The following FAM168A variants were observed in gnomAD, a reference collection of about 807,000 sequenced individuals.
The protein encoded by FAM168A is protein FAM168A.
Under a neutral mutation model 28.5 loss-of-function variants are expected in FAM168A, and 3 were observed. The ratio of observed to expected loss-of-function variants is 0.11; its 90% CI spans 0.05 to 0.27. FAM168A has a LOEUF of 0.27. FAM168A is among the 10% of genes least tolerant of loss of function. The pLI is 1.00. For missense variants in FAM168A, 222 were observed against 311.5 expected, an observed-to-expected ratio of 0.71 and a Z score of 2.16; for synonymous variants, 122 against 124.2, an observed-to-expected ratio of 0.98 and a Z score of 0.12.
rs543497968 is a variant in FAM168A at position 73,539,220 on chromosome 11, C to A, written c.-19+58703G>T. Among the ~76,000 whole-genome samples, 9 of 152,208 alleles carry A rather than the reference C, an allele frequency of 5.9e-5. No individual in the cohort carries two copies. The South Asian group carries it at 1.9e-3, about 32-fold the overall frequency. The stretch of plus-strand genomic sequence containing the variant: ...ATTGAATTAAATGATCTCAAACACT[C>A]CAGGAATATAGGATACACAATCAAG... On this transcript the variant is annotated intron_variant, in intron 1 of 7. Transcript: ENST00000356467.
rs1943777800 is a variant in FAM168A, at chr11:73,547,837, T to C, written c.-19+50086A>G. ...GTGAAAGTAAACCAAATGTCCATCATTGAATGAATGGGGAAAAAAAAAAAA... is the reference window on the plus strand; with the variant it reads ...GTGAAAGTAAACCAAATGTCCATCACTGAATGAATGGGGAAAAAAAAAAAA... On this transcript the variant is annotated intron_variant, in intron 1 of 7. Transcript: ENST00000356467. 2.7e-5 allele frequency among the ~76,000 whole-genome samples: 4 copies of C among 149,566 alleles called. No homozygotes were observed. The South Asian group carries it at 6.2e-4, about 23-fold the overall frequency.
chr11:73,477,543 C>A (rs1378053014), intron 1 of FAM168A, among the ~76,000 whole-genome samples: 4 of 151,976 alleles, frequency 2.6e-5, no homozygotes, highest in Non-Finnish European at 4.4e-5. Flanking sequence ...TAACCGGACA[C>A]AATATAGTAA....
chr11:73,471,652 G>A (rs1445899516), intron 1 of FAM168A, among the ~76,000 whole-genome samples: 13 of 152,122 alleles, frequency 8.5e-5, no homozygotes, highest in Admixed American at 8.5e-4. Flanking sequence ...GTGTATTTAT[G>A]TTCCTAAGGA....
chr11:73,425,911 G>A (rs1045473100), intron 3 of FAM168A, among the ~76,000 whole-genome samples: 5 of 152,312 alleles, frequency 3.3e-5, no homozygotes, highest in African/African-American at 1.2e-4. Context: ...CAAAGTTGGA[G>A]GCAAGAAGCC....
At chr11:73,533,163 A>G (rs1943535142) in intron 1 of FAM168A, among the ~76,000 whole-genome samples, 1 of 152,200 alleles carries the variant, frequency 6.6e-6, no homozygotes, top group Admixed American at 6.5e-5. Flanking sequence ...AGATTGTCCA[A>G]TCTATAAAAT....
intron 1 of FAM168A, among the ~76,000 whole-genome samples, chr11:73,576,954 A>T (rs112670823): frequency 1.7e-3 from 124 of 72,470 alleles, no homozygotes; most frequent in African/African-American, 0.014. Flanking sequence ...CCCATTATTT[A>T]AAAAAAAAAA....
chr11:73,436,363 G>A lies in FAM168A; in HGVS notation c.71-5593C>T, dbSNP rs1489021264. ...AATAGCAGAGTATCAAAAGGCCAGA[G>A]GAAGACAAACTCCCTGGCTCAGAAA... On this transcript the variant is annotated intron_variant, in intron 2 of 7. Coordinates refer to ENST00000356467, the MANE Select transcript of FAM168A (RefSeq NM_015159.3). 2.6e-5 allele frequency among the ~76,000 whole-genome samples: 4 copies of A among 152,242 alleles called. No individual in the cohort carries two copies. In the East Asian group the frequency reaches 7.7e-4, roughly 29 times the overall value.
intron 1 of FAM168A, among the ~76,000 whole-genome samples, chr11:73,509,478 CAT>C (rs1855175739): frequency 6.6e-6 from 1 of 152,154 alleles, no homozygotes; most frequent in African/African-American, 2.4e-5. Context: ...GAAATTATGA[CAT>C]GTCATGGACC....
chr11:73,587,931 G>A (rs7944177), intron 1 of FAM168A, among the ~76,000 whole-genome samples: 1 of 151,976 alleles, frequency 6.6e-6, no homozygotes, highest in African/African-American at 2.4e-5. Flanking sequence ...TGTATTTTTA[G>A]TAGAGATGGG....
At chr11:73,566,362 A>C (rs1172637444) in intron 1 of FAM168A, among the ~76,000 whole-genome samples, 1 of 152,228 alleles carries the variant, frequency 6.6e-6, no homozygotes, top group Non-Finnish European at 1.5e-5. Context: ...AATGTAAAGC[A>C]AACTTCTTTT....
At chr11:73,448,668 A>G (rs1867368642) in intron 2 of FAM168A, among the ~76,000 whole-genome samples, 1 of 152,082 alleles carries the variant, frequency 6.6e-6, no homozygotes, top group Non-Finnish European at 1.5e-5. Flanking sequence ...TCTGCTGGGG[A>G]TATTTGGGTC....
intron 1 of FAM168A, among the ~76,000 whole-genome samples, chr11:73,591,005 A>T (rs1944374294): frequency 6.6e-6 from 1 of 152,194 alleles, no homozygotes; most frequent in Non-Finnish European, 1.5e-5. Flanking sequence ...TTAGCCGGGC[A>T]TGGTGGCACG....
At chr11:73,547,211 C>A (rs530892740) in intron 1 of FAM168A, among the ~76,000 whole-genome samples, 14 of 145,460 alleles carry the variant, frequency 9.6e-5, no homozygotes, top group African/African-American at 2.5e-4. Context: ...AGAAAGGAGG[C>A]AAAAAGAAGG....
intron 2 of FAM168A, among the ~76,000 whole-genome samples, chr11:73,433,896 A>G (rs1867043076): frequency 8.4e-6 from 1 of 119,094 alleles, no homozygotes; most frequent in Admixed American, 1.2e-4. Flanking sequence ...GCCAGGCTGG[A>G]GTGCAGTGGC....
chr11:73,433,105 T>G (rs909158648), intron 2 of FAM168A, among the ~76,000 whole-genome samples: 8 of 139,230 alleles, frequency 5.7e-5, no homozygotes, highest in South Asian at 4.6e-4. Context: ...TTTTTTTTTT[T>G]GTAGAGACGG....
intron 1 of FAM168A, among the ~76,000 whole-genome samples, chr11:73,537,492 C>G (rs1048315984): frequency 1.3e-5 from 2 of 152,132 alleles, no homozygotes; most frequent in African/African-American, 4.8e-5. Context: ...ACCCGGGAGG[C>G]AGAGGAGGCA....
Position 73,401,122 on chromosome 11 carries a change from A to ATTTCT in FAM168A, c.*5636_*5640dup, listed in dbSNP as rs1027002494. The ATTTCT allele has an allele frequency of 1.5e-4, 23 of 148,850 alleles. No homozygotes were observed. Among genetic ancestry groups the ATTTCT allele is most frequent in the African/African-American group, 5.5e-4 (22 of 39,954 alleles). The allele number at this position is 148,850 out of a possible 1,614,324, so 9.2% of individuals were successfully genotyped here. A position where few individuals can be genotyped will look rare whatever the true frequency, so the allele number is the denominator to read the frequency against. On this transcript the variant is annotated 3_prime_UTR_variant, in exon 8 of 8. Transcript: ENST00000356467. ...TATTATTATTATTATTTTAAATTTT[A>ATTTCT]TTTCTTTTTAAAATGTGAGTTCCAA...
chr11:73,417,391 T>C (rs1483408011), intron 4 of FAM168A, among the ~76,000 whole-genome samples: 4 of 152,200 alleles, frequency 2.6e-5, no homozygotes, highest in African/African-American at 9.7e-5. Context: ...TCCAGGCTGC[T>C]TTCTGCTACA....
chr11:73,568,153 C>G (rs1565301789), intron 1 of FAM168A, among the ~76,000 whole-genome samples: 1 of 152,166 alleles, frequency 6.6e-6, no homozygotes, highest in Non-Finnish European at 1.5e-5. Context: ...GCACAACTAA[C>G]AGACATAAAA....
Sources: gnomAD v4.1 joint callset for allele counts (sites outside exome capture counted in the v4.1 genomes callset) on GRCh38, gnomAD v4.1.1 for gene constraint, MANE v1.5 for transcripts, NCBI Gene and HGNC (gene_info 2026-07-23, HGNC 2026-07-21) for gene names.